SOX6: variants seen among roughly 807,000 people sequenced by gnomAD.
SOX6 encodes transcription factor SOX-6.
SOX6 carries 11 observed loss-of-function variants against 97.8 expected under a neutral mutation model. The ratio of observed to expected loss-of-function variants is 0.11; its 90% confidence interval spans 0.07 to 0.19. The LOEUF (loss-of-function observed/expected upper bound fraction) is 0.19, where lower values mean the gene tolerates loss of function less well. SOX6 is among the 10% of genes least tolerant of loss of function. The pLI, the probability that SOX6 is intolerant of heterozygous loss-of-function variation, is 1.00. For synonymous variants in SOX6, 360 were observed against 371.4 expected (o/e 0.97, Z 0.35); for missense variants, 810 against 1,039.5 (o/e 0.78, Z 3.04).
At chr11:16,553,009 G>A (rs1322129527) in intron 4 of SOX6, among the ~76,000 whole-genome samples, 1 of 152,096 alleles carries the variant, frequency 6.6e-6, no homozygotes, top group Non-Finnish European at 1.5e-5. Flanking sequence ...TTTGATATAA[G>A]TATTACATTA....
At chr11:16,665,150 T>G (rs370566151) in intron 3 of SOX6, among the ~76,000 whole-genome samples, 1 of 151,956 alleles carries the variant, frequency 6.6e-6, no homozygotes, top group South Asian at 2.1e-4. Flanking sequence ...GGGGAGAGAC[T>G]CCTTCTGCTT....
chr11:15,991,754 CAG>C (rs1034971835), intron 13 of SOX6, among the ~76,000 whole-genome samples: 6 of 152,120 alleles, frequency 3.9e-5, no homozygotes, highest in African/African-American at 1.4e-4. Flanking sequence ...CAAAGACTGA[CAG>C]AGATCATAGT....
chr11:16,332,960 T>C (rs1252476469), intron 2 of SOX6, among the ~76,000 whole-genome samples: 1 of 152,156 alleles, frequency 6.6e-6, no homozygotes, highest in East Asian at 1.9e-4. Flanking sequence ...TACATATTCA[T>C]TATAGGTGTT....
intron 4 of SOX6, among the ~76,000 whole-genome samples, chr11:16,547,781 A>C (rs1273897302): frequency 1.3e-5 from 2 of 152,140 alleles, no homozygotes; most frequent in Admixed American, 6.6e-5. Flanking sequence ...GAAAGGATTG[A>C]AATGTTCCCA....
intron 6 of SOX6, among the ~76,000 whole-genome samples, chr11:16,144,402 A>T (rs1850233818): frequency 6.6e-6 from 1 of 152,226 alleles, no homozygotes; most frequent in Admixed American, 6.5e-5. Context: ...GAAAGCAGGA[A>T]AGATCTAAAA....
intron 3 of SOX6, among the ~76,000 whole-genome samples, chr11:16,302,934 C>T (rs769144199): frequency 9.2e-5 from 14 of 151,950 alleles, no homozygotes; most frequent in Admixed American, 3.3e-4. Context: ...ATGATAATTA[C>T]CTTATTTACA....
chr11:16,314,453 A>G (rs574862644), intron 3 of SOX6: 1 of 152,298 alleles, frequency 6.6e-6, no homozygotes, highest in Non-Finnish European at 1.5e-5. Context: ...AATTTATTAT[A>G]TACTAGAAAC....
chr11:16,495,478 C>G (rs532243843), intron 4 of SOX6, among the ~76,000 whole-genome samples: 36 of 152,274 alleles, frequency 2.4e-4, no homozygotes, highest in Non-Finnish European at 4.3e-4. Context: ...TATCCACCAC[C>G]ACTGGCTCCC....
At chr11:16,040,211 T>A (rs190143504) in intron 12 of SOX6, among the ~76,000 whole-genome samples, 55 of 152,198 alleles carry the variant, frequency 3.6e-4, no homozygotes, top group Non-Finnish European at 6.9e-4. Context: ...CCTACACCTA[T>A]CCCTAGGAAG....
chr11:16,523,181 T>A (rs1049011733), intron 4 of SOX6, among the ~76,000 whole-genome samples: 39 of 152,114 alleles, frequency 2.6e-4, no homozygotes, highest in African/African-American at 9.2e-4. Flanking sequence ...AATATACATT[T>A]TTTTTCAGCA....
At chr11:16,331,984 T>C (rs915214384) in intron 2 of SOX6, among the ~76,000 whole-genome samples, 3 of 152,128 alleles carry the variant, frequency 2.0e-5, no homozygotes, top group African/African-American at 7.2e-5. Context: ...AAAACATAGA[T>C]TCATTCCTTG....
chr11:16,640,401 C>G (rs1482951220), intron 3 of SOX6, among the ~76,000 whole-genome samples: 1 of 152,112 alleles, frequency 6.6e-6, no homozygotes, highest in Non-Finnish European at 1.5e-5. Context: ...CCAGGCTTTG[C>G]TATCAGGATG....
At chr11:16,145,924 G>A (rs2134047993) in intron 6 of SOX6, among the ~76,000 whole-genome samples, 1 of 152,264 alleles carries the variant, frequency 6.6e-6, no homozygotes, top group South Asian at 2.1e-4. Flanking sequence ...TGGCCATACT[G>A]TCCAAGGTAA....
intron 1 of SOX6, among the ~76,000 whole-genome samples, chr11:16,380,224 T>C (rs1163336060): frequency 2.0e-5 from 3 of 152,032 alleles, no homozygotes. Context: ...GAGAAGAGAA[T>C]CTGATGCCAT....
intron 13 of SOX6, among the ~76,000 whole-genome samples, chr11:16,002,791 C>A (rs2119913608): frequency 6.6e-6 from 1 of 152,258 alleles, no homozygotes; most frequent in East Asian, 1.9e-4. Context: ...CAGCTTTTGG[C>A]TTTAACCAGC....
At chr11:16,280,913 A>G (rs939988599) in intron 3 of SOX6, among the ~76,000 whole-genome samples, 2 of 152,136 alleles carry the variant, frequency 1.3e-5, no homozygotes, top group Admixed American at 1.3e-4. Flanking sequence ...TCATATAAAT[A>G]CTACATATTG....
chr11:16,380,487 A>G (rs1857779038), intron 1 of SOX6, among the ~76,000 whole-genome samples: 2 of 152,080 alleles, frequency 1.3e-5, no homozygotes, highest in Admixed American at 1.3e-4. Context: ...GAAAGACCAT[A>G]TTTACTCTTT....
chr11:16,569,696 A>T (rs1025392391), intron 4 of SOX6, among the ~76,000 whole-genome samples: 4 of 151,654 alleles, frequency 2.6e-5, no homozygotes, highest in Admixed American at 2.0e-4. Flanking sequence ...GTGAAACCCC[A>T]TCTCTACTAA....
chr11:16,133,131 A>C (rs1203620093), intron 6 of SOX6, among the ~76,000 whole-genome samples: 3 of 152,206 alleles, frequency 2.0e-5, no homozygotes, highest in Non-Finnish European at 4.4e-5. Context: ...TGCTTAGTAC[A>C]TAGTGGACAT....
Sources: gnomAD v4.1 joint callset for allele counts (sites outside exome capture counted in the v4.1 genomes callset) on GRCh38, gnomAD v4.1.1 for gene constraint, MANE v1.5 for transcripts, NCBI Gene and HGNC (gene_info 2026-07-23, HGNC 2026-07-21) for gene names.